TIAM1: variants seen among roughly 807,000 people sequenced by gnomAD.
TIAM1 encodes rho guanine nucleotide exchange factor TIAM1.
A neutral mutation model predicts 163.5 loss-of-function variants in TIAM1; 65 were observed. The ratio of observed to expected loss-of-function variants is 0.40; its 90% confidence interval spans 0.33 to 0.49. The LOEUF (loss-of-function observed/expected upper bound fraction) is 0.49. TIAM1 is among the 20% of genes least tolerant of loss of function. The probability of loss-of-function intolerance (pLI) is 0.77; values close to 1 mark genes in which losing one functional copy is unlikely to be tolerated. For missense variants in TIAM1, 1,789 were observed against 2,044.7 expected, an observed-to-expected ratio of 0.87 and a Z score of 2.41; for synonymous variants, 833 against 810.1, an observed-to-expected ratio of 1.03 and a Z score of -0.48.
intron 1 of TIAM1, among the ~76,000 whole-genome samples, chr21:31,486,270 A>G (rs1392713450): frequency 6.6e-6 from 1 of 152,186 alleles, no homozygotes; most frequent in African/African-American, 2.4e-5. Flanking sequence ...GAAAAAATGA[A>G]AACGCTCGCC....
intron 2 of TIAM1, among the ~76,000 whole-genome samples, chr21:31,293,417 G>T (rs532112959): frequency 8.8e-4 from 134 of 152,264 alleles, no homozygotes; most frequent in African/African-American, 3.1e-3. Flanking sequence ...ATCTAGACTG[G>T]TATTTGACCA....
Position 31,377,207 on chromosome 21 carries a change from T to A in TIAM1, c.-368-37785A>T, listed in dbSNP as rs1189893881. Among the ~76,000 whole-genome samples the A allele has an allele frequency of 2.1e-5, 3 of 144,232 alleles. No homozygotes were observed. In the Admixed American group the frequency reaches 2.1e-4, roughly 10 times the overall value. 94.6% of individuals were successfully genotyped at this position (144,232 alleles called of 152,430 possible). On this transcript the variant is annotated intron_variant, in intron 2 of 28. Coordinates refer to the TIAM1 transcript ENST00000286827. Reference sequence around the variant, plus strand: ...ACTTTTTTTTTTTTTTTTTTTAAGATAGATTTAAGAGATGCCTTTCTGCAA... The same window carrying A: ...ACTTTTTTTTTTTTTTTTTTTAAGAAAGATTTAAGAGATGCCTTTCTGCAA...
intron 13 of TIAM1, among the ~76,000 whole-genome samples, chr21:31,193,865 T>A (rs1232309186): frequency 6.6e-6 from 1 of 152,172 alleles, no homozygotes; most frequent in Non-Finnish European, 1.5e-5. Flanking sequence ...CTCTTCTCTT[T>A]GTCAGCCATG....
In TIAM1 at chr21:31,145,274, C is replaced by G. The variant is rs147188158; in HGVS notation, c.3475+1621G>C. Among the ~76,000 whole-genome samples, 717 of 152,208 alleles carry G rather than the reference C, an allele frequency of 4.7e-3. 5 individuals are homozygous for G. Among genetic ancestry groups the G allele is most frequent in the African/African-American group, 0.016 (684 of 41,532 alleles). On this transcript the variant is annotated intron_variant, in intron 20 of 27. Transcript: ENST00000541036. ...TTATCTGGGGCAGGCTCTTTGTTAC[C>G]CAGAGATCTGTATTGTGCTAATACT...
rs549474532 is a variant in TIAM1 at position 31,436,123 on chromosome 21, T to C, written c.-369+27860A>G. Among the ~76,000 whole-genome samples the C allele has an allele frequency of 4.7e-4, 72 of 152,344 alleles. No homozygotes were observed. The South Asian group carries it at 0.014, about 30-fold the overall frequency. ...TGGCTATTCAACCTCTATTGTCCCATAGAACTTTGTTCTCATCCCTACAGC... is the reference window on the plus strand; with the variant it reads ...TGGCTATTCAACCTCTATTGTCCCACAGAACTTTGTTCTCATCCCTACAGC... On this transcript the variant is annotated intron_variant, in intron 2 of 28. Transcript: ENST00000286827.
intron 26 of TIAM1, among the ~76,000 whole-genome samples, chr21:31,124,983 T>G (rs1437949263): frequency 2.6e-5 from 4 of 152,174 alleles, no homozygotes; most frequent in Admixed American, 6.5e-5. Flanking sequence ...AGCTGCCAAA[T>G]TCTGCTCCTG....
At chr21:31,239,837 G>A (rs1273593483) in intron 6 of TIAM1, among the ~76,000 whole-genome samples, 1 of 152,160 alleles carries the variant, frequency 6.6e-6, no homozygotes, top group Non-Finnish European at 1.5e-5. Flanking sequence ...TCAGTATCAA[G>A]TTTGCAAAGA....
intron 6 of TIAM1, among the ~76,000 whole-genome samples, chr21:31,235,028 T>C (rs2088669200): frequency 6.6e-6 from 1 of 152,212 alleles, no homozygotes; most frequent in Admixed American, 6.5e-5. Context: ...TAAATGTGCA[T>C]CATTTTATAA....
Position 31,290,085 on chromosome 21 carries a change from T to C in TIAM1, c.-188-13177A>G, listed in dbSNP as rs1035290681. Reference sequence around the variant, plus strand: ...CTGATTTATTTAATGTATATATACTTGAAGTACTGTTCAAATACATTATGC... The same window carrying C: ...CTGATTTATTTAATGTATATATACTCGAAGTACTGTTCAAATACATTATGC... On this transcript the variant is annotated intron_variant, in intron 2 of 27. Transcript: ENST00000541036. Among the ~76,000 whole-genome samples the C allele has an allele frequency of 9.9e-5, 15 of 152,226 alleles. 1 individual carries two copies. The highest frequency in any genetic ancestry group is 1.9e-4 in the Non-Finnish European group (13 of 68,036).
At chr21:31,310,457 A>G (rs570072393) in intron 2 of TIAM1, among the ~76,000 whole-genome samples, 232 of 152,336 alleles carry the variant, frequency 1.5e-3, no homozygotes, top group African/African-American at 5.4e-3. Context: ...GTTGTGCGTT[A>G]CAAGAGTCAG....
At chr21:31,372,808 C>T (rs912632033) in intron 2 of TIAM1, among the ~76,000 whole-genome samples, 3 of 151,980 alleles carry the variant, frequency 2.0e-5, no homozygotes, top group African/African-American at 7.3e-5. Context: ...GTAATCCCGG[C>T]ACTTTGGGAG....
chr21:31,199,675 C>T (rs1464639164), intron 12 of TIAM1, among the ~76,000 whole-genome samples: 5 of 151,880 alleles, frequency 3.3e-5, no homozygotes, highest in African/African-American at 9.7e-5. Context: ...GAACCATAGG[C>T]GTGTGCCACC....
In TIAM1 at chr21:31,265,829, A is replaced by C. The variant is rs1401689621; in HGVS notation, c.963+181T>G. Among the ~76,000 whole-genome samples the C allele has an allele frequency of 3.3e-5, 5 of 152,120 alleles. No homozygotes were observed. In the South Asian group the frequency reaches 8.3e-4, roughly 25 times the overall value. On this transcript the variant is annotated intron_variant, in intron 4 of 27. Coordinates refer to ENST00000541036, the MANE Select transcript of TIAM1 (RefSeq NM_001353694.2). Reference sequence around the variant, plus strand: ...TTAATCCCCACCCCTTAACCACAGAACTCTAAGAGGGGCAAAGCAGAAGAG... The same window carrying C: ...TTAATCCCCACCCCTTAACCACAGACCTCTAAGAGGGGCAAAGCAGAAGAG...
intron 3 of TIAM1, among the ~76,000 whole-genome samples, chr21:31,267,843 G>A (rs1038361649): frequency 6.6e-6 from 1 of 152,156 alleles, no homozygotes; most frequent in Non-Finnish European, 1.5e-5. Flanking sequence ...AGCATGCCCT[G>A]CAAACAGAAA....
At chr21:31,300,995 G>C (rs1015800767) in intron 2 of TIAM1, among the ~76,000 whole-genome samples, 4 of 152,214 alleles carry the variant, frequency 2.6e-5, no homozygotes, top group African/African-American at 9.7e-5. Context: ...CAAAAACATG[G>C]CTTATAGTAG....
At chr21:31,208,763 A>C (rs1035731274) in intron 11 of TIAM1, among the ~76,000 whole-genome samples, 1 of 152,234 alleles carries the variant, frequency 6.6e-6, no homozygotes, top group African/African-American at 2.4e-5. Flanking sequence ...TTTCTTTAAA[A>C]AGCCGTCTGT....
At chr21:31,437,893 G>A (rs1398495157) in intron 2 of TIAM1, among the ~76,000 whole-genome samples, 3 of 152,160 alleles carry the variant, frequency 2.0e-5, no homozygotes, top group Non-Finnish European at 4.4e-5. Flanking sequence ...TTATAGCAGT[G>A]TGAGAACAGA....
intron 2 of TIAM1, among the ~76,000 whole-genome samples, chr21:31,361,931 T>C (rs2076414333): frequency 6.6e-6 from 1 of 152,156 alleles, no homozygotes; most frequent in Admixed American, 6.6e-5. Context: ...TATATACATA[T>C]ACATGCATGT....
chr21:31,186,913 C>A, intron 14 of TIAM1, 88 bp downstream of exon 14: 1 of 1,089,012 alleles, frequency 9.2e-7, no homozygotes, highest in Admixed American at 1.9e-5. Context: ...ACAAATGAAT[C>A]CTTTGGGCAT....
Sources: gnomAD v4.1 joint callset for allele counts (sites outside exome capture counted in the v4.1 genomes callset) on GRCh38, gnomAD v4.1.1 for gene constraint, MANE v1.5 for transcripts, NCBI Gene and HGNC (gene_info 2026-07-23, HGNC 2026-07-21) for gene names.